CNTN5: variants seen among roughly 807,000 people sequenced by gnomAD.
CNTN5 encodes contactin 5, also known as contactin-5.
Under a neutral mutation model 129.1 loss-of-function variants are expected in CNTN5, and 77 were observed. The observed-to-expected ratio is 0.60, with a 90% CI of 0.50 to 0.72. CNTN5 has a LOEUF of 0.72. Ranked by LOEUF, CNTN5 falls within the 30% of genes least tolerant of loss-of-function variation. CNTN5 has a pLI of 0.00. For missense variants in CNTN5, 1,478 were observed against 1,328.8 expected, an observed-to-expected ratio of 1.11 and a Z score of -1.75; for synonymous variants, 509 against 465.6, an observed-to-expected ratio of 1.09 and a Z score of -1.20.
chr11:99,501,353 G>A (rs1043542876), intron 2 of CNTN5, among the ~76,000 whole-genome samples: 1 of 152,196 alleles, frequency 6.6e-6, no homozygotes, highest in Non-Finnish European at 1.5e-5. Flanking sequence ...AGAAAACATT[G>A]AAGTTAATGC....
intron 7 of CNTN5, among the ~76,000 whole-genome samples, chr11:99,931,005 C>T (rs766701936): frequency 4.1e-4 from 63 of 152,068 alleles, no homozygotes; most frequent in Non-Finnish European, 7.6e-4. Flanking sequence ...AAATTATATA[C>T]TCTCAAATTA....
intron 2 of CNTN5, among the ~76,000 whole-genome samples, chr11:99,408,949 C>T (rs1305169222): frequency 6.6e-6 from 1 of 152,058 alleles, no homozygotes; most frequent in Non-Finnish European, 1.5e-5. Flanking sequence ...AAATAAATCC[C>T]AAGTCAACTT....
chr11:100,267,026 A>C (rs1300952783), intron 17 of CNTN5, among the ~76,000 whole-genome samples: 1 of 152,082 alleles, frequency 6.6e-6, no homozygotes, highest in Non-Finnish European at 1.5e-5. Flanking sequence ...TAAGAAAGTA[A>C]ATTATATAGT....
chr11:99,506,703 C>T (rs186367194), intron 2 of CNTN5, among the ~76,000 whole-genome samples: 1 of 151,944 alleles, frequency 6.6e-6, no homozygotes, highest in Non-Finnish European at 1.5e-5. Flanking sequence ...ATTAAATAAC[C>T]AGTAGTTCTA....
Position 99,700,180 on chromosome 11 carries a change from T to G in CNTN5, c.56-119364T>G, listed in dbSNP as rs1954457514. 1.3e-5 allele frequency among the ~76,000 whole-genome samples: 2 copies of G among 151,446 alleles called. 1 individual carries two copies. The highest frequency in any genetic ancestry group is 4.1e-4 in the South Asian group (2 of 4,830). On this transcript the variant is annotated intron_variant, in intron 3 of 24. Coordinates refer to ENST00000524871, the MANE Select transcript of CNTN5 (RefSeq NM_014361.4). ...TTCTTCTCTTTAAAACGTTATAACA[T>G]CATAATGTTCTAATGGAGCAAGTTT...
chr11:100,336,500 AC>A (rs1425856187), intron 21 of CNTN5, among the ~76,000 whole-genome samples: 1 of 152,236 alleles, frequency 6.6e-6, no homozygotes, highest in East Asian at 1.9e-4. Context: ...AGGAAGTGAT[AC>A]ACAAAGAAAA....
At chr11:99,458,077 T>A (rs1400744038) in intron 2 of CNTN5, among the ~76,000 whole-genome samples, 1 of 151,960 alleles carries the variant, frequency 6.6e-6, no homozygotes, top group Admixed American at 6.6e-5. Flanking sequence ...ATATTTAAAT[T>A]GTGACAAATT....
intron 6 of CNTN5, among the ~76,000 whole-genome samples, chr11:99,848,715 C>G (rs765098733): frequency 6.6e-6 from 1 of 151,854 alleles, no homozygotes; most frequent in African/African-American, 2.4e-5. Context: ...TTATTTTTAC[C>G]TTTTACACTT....
intron 1 of CNTN5, among the ~76,000 whole-genome samples, chr11:99,298,850 C>A (rs1330143376): frequency 6.6e-6 from 1 of 152,094 alleles, no homozygotes; most frequent in Non-Finnish European, 1.5e-5. Context: ...GACATGCCAG[C>A]CCCTAGGTAA....
chr11:99,392,076 G>A (rs1941290116), intron 2 of CNTN5, among the ~76,000 whole-genome samples: 1 of 151,894 alleles, frequency 6.6e-6, no homozygotes, highest in Non-Finnish European at 1.5e-5. Context: ...TGTCTGTGAG[G>A]TGTGTAGAAC....
chr11:99,796,621 A>C (rs915718842), intron 3 of CNTN5, among the ~76,000 whole-genome samples: 3 of 150,230 alleles, frequency 2.0e-5, no homozygotes, highest in Non-Finnish European at 4.4e-5. Context: ...CCAGACTGAA[A>C]CTCCAGGTGA....
intron 9 of CNTN5, among the ~76,000 whole-genome samples, chr11:100,023,088 A>G (rs1042772415): frequency 1.3e-5 from 2 of 152,064 alleles, no homozygotes; most frequent in African/African-American, 4.8e-5. Context: ...AAGTTTTTCT[A>G]TTCTCCTGCT....
intron 3 of CNTN5, among the ~76,000 whole-genome samples, chr11:99,581,569 C>G (rs1201285288): frequency 6.6e-6 from 1 of 151,882 alleles, no homozygotes; most frequent in Non-Finnish European, 1.5e-5. Flanking sequence ...TTGAATTGAT[C>G]CCTTTACCGT....
At chr11:99,696,393 G>T (rs528217927) in intron 3 of CNTN5, among the ~76,000 whole-genome samples, 1 of 152,098 alleles carries the variant, frequency 6.6e-6, no homozygotes, top group Non-Finnish European at 1.5e-5. Context: ...TGATGAGATA[G>T]AGTATTTTTA....
At chr11:99,744,904 A>G (rs1362501533) in intron 3 of CNTN5, among the ~76,000 whole-genome samples, 1 of 152,158 alleles carries the variant, frequency 6.6e-6, no homozygotes, top group Non-Finnish European at 1.5e-5. Flanking sequence ...ATTAAGACCT[A>G]AATTCCAAAA....
chr11:100,316,708 G>A (rs1000624982), intron 21 of CNTN5, among the ~76,000 whole-genome samples: 18 of 152,084 alleles, frequency 1.2e-4, no homozygotes, highest in African/African-American at 4.1e-4. Flanking sequence ...TCTGCCTGTG[G>A]AACAAAGTCT....
At chr11:100,032,547 A>T (rs1303703012) in intron 9 of CNTN5, among the ~76,000 whole-genome samples, 1 of 152,050 alleles carries the variant, frequency 6.6e-6, no homozygotes, top group Non-Finnish European at 1.5e-5. Flanking sequence ...AGGAGTATTA[A>T]GAAAGTACTA....
intron 2 of CNTN5, among the ~76,000 whole-genome samples, chr11:99,516,738 T>A (rs559026942): frequency 6.6e-6 from 1 of 152,148 alleles, no homozygotes. Flanking sequence ...AATCCTGAAT[T>A]TTTTTAAGAT....
intron 15 of CNTN5, among the ~76,000 whole-genome samples, chr11:100,213,386 T>G (rs1459508847): frequency 6.6e-6 from 1 of 152,206 alleles, no homozygotes; most frequent in Non-Finnish European, 1.5e-5. Context: ...CAGGGTCTCT[T>G]GTAATACTGG....
Sources: gnomAD v4.1 joint callset for allele counts (sites outside exome capture counted in the v4.1 genomes callset) on GRCh38, gnomAD v4.1.1 for gene constraint, MANE v1.5 for transcripts, NCBI Gene and HGNC (gene_info 2026-07-23, HGNC 2026-07-21) for gene names.